Variants in RABL6 observed in about 807,000 individuals in gnomAD.
RABL6 encodes rab-like protein 6.
In RABL6, 28 loss-of-function variants were observed where a neutral mutation model predicts 72.9. The observed-to-expected ratio is 0.38, with a 90% CI of 0.28 to 0.53. The LOEUF (loss-of-function observed/expected upper bound fraction) is 0.53, where lower values mean the gene tolerates loss of function less well. Ranked by LOEUF, RABL6 falls within the 20% of genes least tolerant of loss-of-function variation. RABL6 has a pLI of 0.80. For synonymous variants in RABL6, 477 were observed against 421.2 expected (o/e 1.13, Z -1.62); for missense variants, 1,029 against 1,008.4 (o/e 1.02, Z -0.28).
rs751570906 is a variant in RABL6 at position 136,839,283 on chromosome 9, C to T, written c.1555C>T (p.Pro519Ser). Residue 519 changes from proline (P) to serine (S), a missense_variant, in exon 12 of 15, where the codon CCC becomes TCC. Physicochemically the swap from Pro to Ser is moderately conservative, Grantham distance 74. Around this residue, in one of 2 missense-constraint regions of RABL6, gnomAD observed 595 missense variants for 472.4 expected, o/e 1.26. Transcript: ENST00000311502. ...GTAPTRTAAP[P>S]WPGGVSVRTG... Reference sequence around the variant, plus strand: ...AGCTCCCACGAGGACCGCAGCACCCCCCTGGCCAGGCGGTGTCTCTGTTCG... The same window carrying T: ...AGCTCCCACGAGGACCGCAGCACCCTCCTGGCCAGGCGGTGTCTCTGTTCG... 6 of 1,610,354 alleles carry T rather than the reference C, an allele frequency of 3.7e-6. No homozygotes were observed. The highest frequency in any genetic ancestry group is 1.7e-4 in the Middle Eastern group (1 of 5,942).
chr9:136,812,608 A>G (rs1046558845), intron 1 of RABL6, among the ~76,000 whole-genome samples: 3 of 152,168 alleles, frequency 2.0e-5, no homozygotes, highest in Non-Finnish European at 4.4e-5. Context: ...CAGTCAAAAC[A>G]AACAAGGAAG....
intron 1 of RABL6, among the ~76,000 whole-genome samples, chr9:136,812,065 A>G (rs1359141326): frequency 1.3e-5 from 2 of 152,238 alleles, no homozygotes; most frequent in South Asian, 4.1e-4. Flanking sequence ...ATTTGAAATT[A>G]TTTGGAAGAA....
chr9:136,815,071 A>ATCGTCC (rs1419545526), intron 1 of RABL6: 1 of 205,842 alleles, frequency 4.9e-6, no homozygotes, highest in Non-Finnish European at 1.0e-5. Flanking sequence ...CATCGTCCTC[A>ATCGTCC]TCGTCCTCGT....
intron 2 of RABL6, among the ~76,000 whole-genome samples, chr9:136,825,486 G>A (rs1470141598): frequency 2.0e-5 from 3 of 148,952 alleles, no homozygotes; most frequent in Admixed American, 1.3e-4. Context: ...GGGCCCTGGA[G>A]GGAGGGGCCG....
chr9:136,835,589 G>T, intron 7 of RABL6, 153 bp from the exon 8 acceptor site: 1 of 649,008 alleles, frequency 1.5e-6, no homozygotes, highest in Non-Finnish European at 2.6e-6. Flanking sequence ...GTGGGGCCCA[G>T]CGCAGAGCTC....
chr9:136,839,408 C>T lies in RABL6; in HGVS notation c.1680C>T (p.Pro560=), dbSNP rs775502303. ...ASSSESDPEG[P]IAAQMLSFVM... is the part of the protein sequence containing the mutation. ...CGTCGGAGAGTGACCCCGAGGGACC[C>T]ATTGCTGCACAAATGCTGTCCTTCG... Residue 560 remains proline, a synonymous_variant, in exon 12 of 15, where the codon CCC becomes CCT. Transcript: ENST00000311502. 2.5e-6 allele frequency: 4 copies of T among 1,612,468 alleles called. No homozygotes were observed. The South Asian group carries it at 4.4e-5, about 18-fold the overall frequency.
Position 136,839,381 on chromosome 9 carries a change from C to T in RABL6, c.1653C>T (p.Ser551=), listed in dbSNP as rs1335635762. 1.2e-6 allele frequency: 2 copies of T among 1,612,602 alleles called. No homozygotes were observed. The highest frequency in any genetic ancestry group is 1.7e-6 in the Non-Finnish European group (2 of 1,179,742). ...AGCCGGGGAAGGGTGAGCAGGCCTC[C>T]TCGTCGGAGAGTGACCCCGAGGGAC... ...EMEPGKGEQA[S]SSESDPEGPI... Residue 551 remains serine, a synonymous_variant, in exon 12 of 15, where the codon TCC becomes TCT. Transcript: ENST00000311502.
At chr9:136,837,727 T>G in intron 9 of RABL6, 65 bp downstream of exon 9, 1 of 1,545,776 alleles carries the variant, frequency 6.5e-7, no homozygotes, top group Non-Finnish European at 8.7e-7. Context: ...GGTGGGGTCC[T>G]GGATTTCGGA....
intron 7 of RABL6, chr9:136,833,729 A>G (rs1188852735): frequency 6.5e-7 from 1 of 1,550,296 alleles, no homozygotes; most frequent in Admixed American, 2.0e-5. Context: ...GAAGGATGTC[A>G]GGCTTGCCCA....
In RABL6 at chr9:136,835,804, G is replaced by A. The variant is rs1848573974; in HGVS notation, c.768G>A (p.Glu256=). The A allele has an allele frequency of 6.4e-7, 1 of 1,555,226 alleles. No individual in the cohort carries two copies. The highest frequency in any genetic ancestry group is 8.7e-7 in the Non-Finnish European group (1 of 1,150,616). The change falls in exon 8 of 15, where the codon GAG becomes GAA. Residue 256 remains glutamate, a synonymous_variant. Coordinates refer to ENST00000311502, the MANE Select transcript of RABL6 (RefSeq NM_024718.5). ...NQLDMDATLE[E]LSVQQETEDQ... is the part of the protein sequence containing the mutation. ...TGGACATGGACGCCACGCTGGAGGA[G>A]CTGTCGGTGCAGCAGGAGACGGAGG... is the stretch of plus-strand genomic sequence containing the variant.
At chr9:136,827,458 C>T (rs369609631) in intron 3 of RABL6, 6 of 152,258 alleles carry the variant, frequency 3.9e-5, no homozygotes, top group Non-Finnish European at 8.8e-5. Context: ...GGACCCGGCT[C>T]CCCTCCAGTC....
At position 136,835,837 on chromosome 9, in the gene RABL6, C is replaced by G; in HGVS notation, c.801C>G (p.Asn267Lys). The change falls in exon 8 of 15, where the codon AAC becomes AAG. Residue 267 changes from asparagine to lysine, a missense_variant. Physicochemically the swap from Asn to Lys is moderately conservative, Grantham distance 94 (BLOSUM62 0). Around this residue, in one of 2 missense-constraint regions of RABL6, gnomAD observed 434 missense variants for 536.1 expected, o/e 0.81. Coordinates refer to ENST00000311502, the MANE Select transcript of RABL6 (RefSeq NM_024718.5). ...LSVQQETEDQ[N>K]YGIFLEMMEA... ...TGCAGCAGGAGACGGAGGACCAGAA[C>G]TACGGCATGTATGTGGCCGGACCCG... The G allele has an allele frequency of 6.4e-7, 1 of 1,553,954 alleles. No homozygotes were observed.
chr9:136,831,186 C>T (rs1432045006), intron 5 of RABL6, among the ~76,000 whole-genome samples: 1 of 152,228 alleles, frequency 6.6e-6, no homozygotes, highest in Non-Finnish European at 1.5e-5. Flanking sequence ...GGGAAACTGG[C>T]AGTTCCACGC....
chr9:136,823,793 G>A (rs1341351516), intron 2 of RABL6, 134 bp downstream of exon 2: 4 of 1,213,542 alleles, frequency 3.3e-6, no homozygotes, highest in Non-Finnish European at 4.4e-6. Flanking sequence ...GCTGACGTGG[G>A]GGCCCTGGCG....
In RABL6 at chr9:136,837,405, G is replaced by A. The variant is rs764595814; in HGVS notation, c.869G>A (p.Gly290Glu). The A allele has an allele frequency of 2.5e-6, 4 of 1,594,544 alleles. No homozygotes were observed. The highest frequency in any genetic ancestry group is 1.7e-5 in the Admixed American group (1 of 57,484). ...RGHASPLAAN[G>E]QSPSPGSQSP... ...CATGCGTCCCCACTGGCGGCCAACG[G>A]GCAGAGCCCATCCCCGGGCTCCCAG... The change falls in exon 9 of 15, where the codon GGG (glycine) becomes GAG (glutamate). Residue 290 changes from glycine (G) to glutamate (E), a missense_variant. By Grantham distance (98) the Gly-to-Glu change is moderately conservative. Around this residue, in one of 2 missense-constraint regions of RABL6, gnomAD observed 434 missense variants for 536.1 expected, o/e 0.81. Transcript: ENST00000311502.
At chr9:136,822,957 G>A (rs757981527) in intron 1 of RABL6, among the ~76,000 whole-genome samples, 1 of 152,110 alleles carries the variant, frequency 6.6e-6, no homozygotes, top group Non-Finnish European at 1.5e-5. Context: ...ACATGGTGGC[G>A]GGCGCCTGTA....
At chr9:136,811,617 CAAA>C (rs775818394) in intron 1 of RABL6, among the ~76,000 whole-genome samples, 3 of 104,498 alleles carry the variant, frequency 2.9e-5, no homozygotes, top group Admixed American at 1.0e-4. Flanking sequence ...GACCCTGTCT[CAAA>C]AAAAAAAAAA....
chr9:136,809,510 C>A, intron 1 of RABL6: 1 of 241,330 alleles, frequency 4.1e-6, no homozygotes, highest in Non-Finnish European at 8.5e-6. Flanking sequence ...GGCACGGTGG[C>A]TCATGCCTGT....
At chr9:136,817,173 C>CG (rs1848137096) in intron 1 of RABL6, among the ~76,000 whole-genome samples, 2 of 152,092 alleles carry the variant, frequency 1.3e-5, no homozygotes, top group Non-Finnish European at 2.9e-5. Context: ...GCAGCACTAA[C>CG]TCAGCTGAAG....
Sources: allele counts gnomAD v4.1 joint callset (sites outside exome capture counted in the v4.1 genomes callset), GRCh38; gene constraint gnomAD v4.1.1; regional missense constraint gnomAD v4.1.1; transcripts MANE v1.5; gene names NCBI Gene and HGNC (gene_info 2026-07-23, HGNC 2026-07-21).